Variants in PEAK3 observed in about 807,000 individuals in gnomAD.
PEAK3 encodes protein PEAK3.
A neutral mutation model predicts 13.3 loss-of-function variants in PEAK3; 15 were observed. That is an observed-to-expected ratio of 1.13 (90% CI 0.75 to 1.73). The LOEUF (loss-of-function observed/expected upper bound fraction) is 1.73. Among genes scored for constraint, PEAK3 ranks in the 40% most tolerant of loss-of-function variants. PEAK3 has a pLI of 0.00. For missense variants in PEAK3, 739 were observed against 690.2 expected (o/e 1.07, Z -0.79); for synonymous variants, 347 against 341.9 (o/e 1.01, Z -0.17).
intron 2 of PEAK3, among the ~76,000 whole-genome samples, chr19:2,279,400 T>C (rs2025421493): frequency 6.6e-6 from 1 of 152,132 alleles, no homozygotes; most frequent in South Asian, 2.1e-4. Flanking sequence ...CTCATGCCTG[T>C]AATTCCAGCA....
chr19:2,276,625 C>T (rs2025393231), intron 3 of PEAK3, 136 bp from the exon 4 acceptor site: 1 of 679,484 alleles, frequency 1.5e-6, no homozygotes. Flanking sequence ...CTGCCTGCAT[C>T]CCTCCAGCAG....
rs139187292 is a variant in PEAK3, at chr19:2,277,628, C to T, written c.612+956G>A. On this transcript the variant is annotated intron_variant, in intron 3 of 3. Coordinates refer to ENST00000342063, the MANE Select transcript of PEAK3 (RefSeq NM_198532.3). ...GGCTGGAGTGCAATAGCCCAATTTT[C>T]GAATCTCAGCTCACTGCAACCTCCG... 1.9e-3 allele frequency among the ~76,000 whole-genome samples: 291 copies of T among 149,914 alleles called. 9 individuals carry two copies. In the East Asian group the frequency reaches 0.046, roughly 24 times the overall value.
At chr19:2,279,182 C>T (rs2025420131) in intron 2 of PEAK3, 69 bp from the exon 3 acceptor site, 1 of 1,270,170 alleles carries the variant, frequency 7.9e-7, no homozygotes, top group Admixed American at 3.4e-5. Context: ...GACTCCACCT[C>T]TCAGCCTCGG....
In PEAK3 at chr19:2,275,927, C is replaced by T. The variant is rs1352765782; in HGVS notation, c.1175G>A (p.Arg392Gln). 19 of 1,377,416 alleles carry T rather than the reference C, an allele frequency of 1.4e-5. No individual in the cohort carries two copies. The South Asian group carries it at 1.4e-4, about 10-fold the overall frequency. The allele number at this position is 1,377,416 out of a possible 1,614,324, so 85.3% of individuals were successfully genotyped here. Residue 392 changes from arginine (R) to glutamine (Q), a missense_variant, in exon 4 of 4, where the codon CGG becomes CAG. Transcript: ENST00000342063. ...TRLRPSASRT[R>Q]GALQALLWGP... The stretch of plus-strand genomic sequence containing the variant: ...CCAGAGCAGCGCCTGCAGCGCGCCC[C>T]GCGTCCGGGACGCCGAGGGCCGCAA...
Position 2,278,818 on chromosome 19 carries a change from G to A in PEAK3, c.378C>T (p.Arg126=), listed in dbSNP as rs919761947. Residue 126 remains arginine, a synonymous_variant, in exon 3 of 4, where the codon CGC becomes CGT. Transcript: ENST00000342063. Reference sequence around the variant, plus strand: ...GCACAGCCTCCGGGCTGTGCAGATCGCGGAGGGAGAGGCCCAGTGGGGCGT... The same window carrying A: ...GCACAGCCTCCGGGCTGTGCAGATCACGGAGGGAGAGGCCCAGTGGGGCGT... ...PADAPLGLSL[R]DLHSPEAVHT... 7.5e-6 allele frequency: 12 copies of A among 1,592,514 alleles called. No individual in the cohort carries two copies. Among genetic ancestry groups the A allele is most frequent in the Middle Eastern group, 1.7e-4 (1 of 6,048 alleles).
rs1211289855 is a variant in PEAK3, at chr19:2,278,740, C to A, written c.456G>T (p.Arg152=). Residue 152 remains arginine (R), a synonymous_variant, in exon 3 of 4, where the codon CGG becomes CGT. Transcript: ENST00000342063. ...GGCCCCCCATGAGCCGGGCACGGAGCCGGGCATAGATGGTACGGAGGCCCT... is the reference window on the plus strand; with the variant it reads ...GGCCCCCCATGAGCCGGGCACGGAGACGGGCATAGATGGTACGGAGGCCCT... ...QLQGLRTIYA[R]LRARLMGGHP... is the part of the protein sequence containing the mutation. The A allele has an allele frequency of 1.3e-6, 2 of 1,537,714 alleles. No individual in the cohort carries two copies. Among genetic ancestry groups the A allele is most frequent in the African/African-American group, 2.7e-5 (2 of 72,924 alleles).
rs2025369349 is a variant in PEAK3, at chr19:2,274,939, A to AAAG, written c.*740_*741insCTT. Reference sequence around the variant, plus strand: ...GTAAGCCGAGATCGTCTCAAAAAAAAAAAAAAAAAAAAAAGAAAAAGAAAG... The same window carrying AAAG: ...GTAAGCCGAGATCGTCTCAAAAAAAAAAGAAAAAAAAAAAAAAGAAAAAGAAAG... On this transcript the variant is annotated 3_prime_UTR_variant, in exon 4 of 4. Transcript: ENST00000342063. 1 of 141,188 alleles carries AAAG rather than the reference A, an allele frequency of 7.1e-6. No individual in the cohort carries two copies. The highest frequency in any genetic ancestry group is 2.0e-4 in the East Asian group (1 of 5,036). 8.7% of individuals were successfully genotyped at this position (141,188 alleles called of 1,614,324 possible).
At chr19:2,280,689 G>A (rs1389536716) in intron 2 of PEAK3, among the ~76,000 whole-genome samples, 161 bp downstream of exon 2, 9 of 152,004 alleles carry the variant, frequency 5.9e-5, no homozygotes, top group South Asian at 4.1e-4. Context: ...GGCCTACTCC[G>A]GGCCTTCCCG....
In PEAK3 at chr19:2,275,416, G is replaced by A. The variant is rs1184684746; in HGVS notation, c.*264C>T. 1 of 346,084 alleles carries A rather than the reference G, an allele frequency of 2.9e-6. No homozygotes were observed. Among genetic ancestry groups the A allele is most frequent in the Admixed American group, 4.8e-5 (1 of 20,930 alleles). The allele number at this position is 346,084 out of a possible 1,614,324, so 21.4% of individuals were successfully genotyped here. On this transcript the variant is annotated 3_prime_UTR_variant, in exon 4 of 4. Transcript: ENST00000342063. Reference sequence around the variant, plus strand: ...TTGTCCACACCTGGAAGTGGCGTGGGGGCCCTGGCTTCAGAGAGCTGCTGC... The same window carrying A: ...TTGTCCACACCTGGAAGTGGCGTGGAGGCCCTGGCTTCAGAGAGCTGCTGC...
At chr19:2,279,955 T>C (rs972180932) in intron 2 of PEAK3, among the ~76,000 whole-genome samples, 6 of 151,238 alleles carry the variant, frequency 4.0e-5, no homozygotes, top group South Asian at 4.2e-4. Context: ...GGTTTCACCA[T>C]GTTAGCCAGG....
At chr19:2,281,135 T>C (rs1205629154) in intron 1 of PEAK3, among the ~76,000 whole-genome samples, 200 bp from the exon 2 acceptor site, 56 of 130,128 alleles carry the variant, frequency 4.3e-4, no homozygotes, top group Middle Eastern at 0.011. Context: ...GGGTTTCCTG[T>C]CCTCTCTGGG....
rs138938766 is a variant in PEAK3 at position 2,276,621 on chromosome 19, G to T, written c.613-132C>A. ...CCCCCACTACGGCTAGGGGCTGCCT[G>T]CATCCCTCCAGCAGCAGGAGGTCAG... On this transcript the variant is annotated intron_variant, in intron 3 of 3. Transcript: ENST00000342063. 180 of 700,176 alleles carry T rather than the reference G, an allele frequency of 2.6e-4. 1 individual carries two copies. The East Asian group carries it at 5.3e-3, about 21-fold the overall frequency. 43.4% of individuals were successfully genotyped at this position (700,176 alleles called of 1,614,324 possible).
In PEAK3 at chr19:2,279,032, A is replaced by C; in HGVS notation, c.164T>G (p.Leu55Arg). The change falls in exon 3 of 4, where the codon CTG becomes CGG. Residue 55 changes from leucine to arginine, a missense_variant. Transcript: ENST00000342063. ...GATCTTCTTGGGCAGGGGTGGGGGCAGGGGCTCTGGGTTGGTGGAGAGGGA... is the reference window on the plus strand; with the variant it reads ...GATCTTCTTGGGCAGGGGTGGGGGCCGGGGCTCTGGGTTGGTGGAGAGGGA... ...PGSLSTNPEP[L>R]PPPLPKKILT... The C allele has an allele frequency of 6.8e-7, 1 of 1,475,586 alleles. No homozygotes were observed. Among genetic ancestry groups the C allele is most frequent in the Admixed American group, 2.1e-5 (1 of 47,056 alleles). The allele number at this position is 1,475,586 out of a possible 1,614,324, so 91.4% of individuals were successfully genotyped here.
Position 2,278,759 on chromosome 19 carries a change from A to C in PEAK3, c.437T>G (p.Leu146Arg). The C allele has an allele frequency of 6.4e-7, 1 of 1,555,876 alleles. No individual in the cohort carries two copies. The highest frequency in any genetic ancestry group is 8.7e-7 in the Non-Finnish European group (1 of 1,147,764). The change falls in exon 3 of 4, where the codon CTC becomes CGC. Residue 146 changes from leucine (L) to arginine (R), a missense_variant. By Grantham distance (102) the Leu-to-Arg change is moderately radical. Coordinates refer to ENST00000342063, the MANE Select transcript of PEAK3 (RefSeq NM_198532.3). ...ACGGAGCCGGGCATAGATGGTACGGAGGCCCTGCAGCTGCCGCGCAGCCAG... is the reference window on the plus strand; with the variant it reads ...ACGGAGCCGGGCATAGATGGTACGGCGGCCCTGCAGCTGCCGCGCAGCCAG... ...TALAARQLQG[L>R]RTIYARLRAR...
intron 1 of PEAK3, among the ~76,000 whole-genome samples, chr19:2,281,290 C>T (rs4324262): frequency 1.5e-3 from 167 of 109,680 alleles, no homozygotes; most frequent in Non-Finnish European, 2.6e-3. Flanking sequence ...GCTGTGTGAT[C>T]CTGAGTGGGT....
At position 2,278,569 on chromosome 19, in the gene PEAK3, G is replaced by A. The variant is rs1214274948; in HGVS notation, c.612+15C>T. The stretch of plus-strand genomic sequence containing the variant: ...ACTGGGGACACCTCAGAGAGGGTGG[G>A]GCTGTGGGGCTCACCTTGGCGACCA... On this transcript the variant is annotated intron_variant, in intron 3 of 3. Transcript: ENST00000342063. The A allele has an allele frequency of 6.8e-7, 1 of 1,477,368 alleles. No individual in the cohort carries two copies. Among genetic ancestry groups the A allele is most frequent in the Non-Finnish European group, 9.0e-7 (1 of 1,116,010 alleles). The allele number at this position is 1,477,368 out of a possible 1,614,324, so 91.5% of individuals were successfully genotyped here. A position where few individuals can be genotyped will look rare whatever the true frequency, so the allele number is the denominator to read the frequency against.
chr19:2,278,976 T>C lies in PEAK3; in HGVS notation c.220A>G (p.Arg74Gly). Residue 74 changes from arginine (R) to glycine (G), a missense_variant, in exon 3 of 4, where the codon AGG (arginine) becomes GGG (glycine). Transcript: ENST00000342063. The part of the protein sequence containing the change: ...LTRTQSLPTR[R>G]TLHPSSIQVQ... ...TGGATGGAGCTGGGATGGAGGGTCC[T>C]GCGGGTGGGCAGTGACTGGGTCCGG... 1.9e-6 allele frequency: 3 copies of C among 1,583,386 alleles called. No homozygotes were observed. Among genetic ancestry groups the C allele is most frequent in the South Asian group, 1.1e-5 (1 of 88,586 alleles).
chr19:2,275,859 G>C lies in PEAK3; in HGVS notation c.1243C>G (p.Pro415Ala). The change falls in exon 4 of 4, where the codon CCC becomes GCC. Residue 415 changes from proline to alanine, a missense_variant. Pro to Ala is a conservative substitution (Grantham distance 27). Transcript: ENST00000342063. ...CAGGGCCCGAGCGCTCGGAGCCAGG[G>C]ACCAAGCGGTGCTCCGCGGCCGCGC... ...ELRGRGAPLGPWLRALGPWLR... is the reference protein window; with the variant it reads ...ELRGRGAPLGAWLRALGPWLR... The C allele has an allele frequency of 1.4e-6, 2 of 1,478,970 alleles. No individual in the cohort carries two copies. The highest frequency in any genetic ancestry group is 8.9e-7 in the Non-Finnish European group (1 of 1,121,354). The allele number at this position is 1,478,970 out of a possible 1,614,324, so 91.6% of individuals were successfully genotyped here. A position where few individuals can be genotyped will look rare whatever the true frequency, so the allele number is the denominator to read the frequency against.
At position 2,280,866 on chromosome 19, in the gene PEAK3, G is replaced by T; in HGVS notation, c.66C>A (p.Pro22=). Residue 22 remains proline, a synonymous_variant, in exon 2 of 4, where the codon CCC becomes CCA. Coordinates refer to ENST00000342063, the MANE Select transcript of PEAK3 (RefSeq NM_198532.3). ...GCTGCTTACCAAGGTTGCTATACGT[G>T]GGCTGAGTCGACCAGGTGGGGTTGT... ...EPDNPTWSTQ[P]TYSNLGQIRA... The T allele has an allele frequency of 6.2e-7, 1 of 1,607,034 alleles. No homozygotes were observed.
Sources: gnomAD v4.1 joint callset for allele counts (sites outside exome capture counted in the v4.1 genomes callset) on GRCh38, gnomAD v4.1.1 for gene constraint, MANE v1.5 for transcripts, NCBI Gene and HGNC (gene_info 2026-07-23, HGNC 2026-07-21) for gene names.